The following DLC1 variants were observed in gnomAD, a reference collection of about 807,000 sequenced individuals.
DLC1 encodes DLC1 Rho GTPase activating protein.
Under a neutral mutation model 140.3 loss-of-function variants are expected in DLC1, and 54 were observed. That is an observed-to-expected ratio of 0.38 (90% CI 0.31 to 0.48). DLC1 has a LOEUF of 0.48. Among genes scored for constraint, DLC1 ranks in the 20% least tolerant of loss-of-function variants. The pLI is 0.96. For missense variants in DLC1, 2,536 were observed against 1,907.0 expected (o/e 1.33, Z -6.14); for synonymous variants, 986 against 728.1 (o/e 1.35, Z -5.70).
chr8:13,511,026 A>C (rs558746416), intron 1 of DLC1, among the ~76,000 whole-genome samples: 1 of 150,580 alleles, frequency 6.6e-6, no homozygotes, highest in East Asian at 2.0e-4. Flanking sequence ...ACAAACATTT[A>C]TTGACAAATA....
At chr8:13,479,802 AAAGAAGAAGAAGAAGAAGAAGAAGAAG>A (rs60625191) in intron 2 of DLC1, among the ~76,000 whole-genome samples, 64 of 56,970 alleles carry the variant, frequency 1.1e-3, no homozygotes, top group South Asian at 8.3e-3. Flanking sequence ...GAAAGAAAGA[AAAGAAGAAGAAGAAGAAGAAGAAGAAG>A]AAGAAGAAGA....
At chr8:13,367,325 A>G (rs1729173) in intron 4 of DLC1, among the ~76,000 whole-genome samples, 111,554 of 151,730 alleles carry the variant, frequency 0.74, 41,515 homozygotes, top group East Asian at 0.84. Flanking sequence ...GAGGAAACCT[A>G]ACACAGAGAA....
intron 1 of DLC1, among the ~76,000 whole-genome samples, chr8:13,602,002 A>G (rs956390499): frequency 5.9e-5 from 9 of 152,004 alleles, no homozygotes; most frequent in Admixed American, 2.0e-4. Flanking sequence ...CGTCATAAAA[A>G]GGAAAACAAC....
At chr8:13,350,332 C>T (rs1198228674) in intron 4 of DLC1, among the ~76,000 whole-genome samples, 2 of 151,932 alleles carry the variant, frequency 1.3e-5, no homozygotes, top group East Asian at 1.9e-4. Context: ...TCATTTACTG[C>T]ATGTGGTTGA....
At chr8:13,257,531 A>G (rs765006261) in intron 5 of DLC1, among the ~76,000 whole-genome samples, 1 of 152,058 alleles carries the variant, frequency 6.6e-6, no homozygotes, top group Non-Finnish European at 1.5e-5. Flanking sequence ...CTTGACCAAT[A>G]TAATCTATTT....
At chr8:13,337,220 G>C (rs971928339) in intron 4 of DLC1, among the ~76,000 whole-genome samples, 1 of 152,112 alleles carries the variant, frequency 6.6e-6, no homozygotes, top group Non-Finnish European at 1.5e-5. Flanking sequence ...GAAAAATGTA[G>C]AATGTGGATA....
intron 2 of DLC1, among the ~76,000 whole-genome samples, chr8:13,422,172 G>A (rs945905037): frequency 6.6e-6 from 1 of 152,032 alleles, no homozygotes; most frequent in African/African-American, 2.4e-5. Flanking sequence ...ATTATGTTTT[G>A]AAGGGTATAT....
intron 4 of DLC1, among the ~76,000 whole-genome samples, chr8:13,328,334 G>A (rs1237113056): frequency 6.6e-6 from 1 of 151,974 alleles, no homozygotes; most frequent in Non-Finnish European, 1.5e-5. Flanking sequence ...TGAATATGGG[G>A]AGAAGTATTC....
intron 2 of DLC1, among the ~76,000 whole-genome samples, chr8:13,475,391 G>C (rs1195939345): frequency 6.6e-6 from 1 of 152,088 alleles, no homozygotes; most frequent in Non-Finnish European, 1.5e-5. Flanking sequence ...GATTTTGAGG[G>C]CCCAGTAAAA....
chr8:13,206,022 A>T (rs1422922915), intron 5 of DLC1, among the ~76,000 whole-genome samples: 1 of 152,152 alleles, frequency 6.6e-6, no homozygotes, highest in African/African-American at 2.4e-5. Context: ...GTGAACCTTG[A>T]CCTAGAGGAA....
At chr8:13,122,974 T>G (rs1433655280) in intron 5 of DLC1, among the ~76,000 whole-genome samples, 3 of 152,184 alleles carry the variant, frequency 2.0e-5, no homozygotes, top group Non-Finnish European at 2.9e-5. Flanking sequence ...CACTATTTAT[T>G]GATCCAACTA....
chr8:13,166,623 G>A (rs1279617755), intron 5 of DLC1, among the ~76,000 whole-genome samples: 2 of 152,198 alleles, frequency 1.3e-5, no homozygotes, highest in Non-Finnish European at 2.9e-5. Flanking sequence ...ATAAGCCGTG[G>A]CTCCAGGCCC....
At chr8:13,103,163 A>G (rs1819244823) in intron 7 of DLC1, among the ~76,000 whole-genome samples, 1 of 151,432 alleles carries the variant, frequency 6.6e-6, no homozygotes. Flanking sequence ...ACAAAAAAAC[A>G]AGCCGGGCCT....
intron 2 of DLC1, among the ~76,000 whole-genome samples, chr8:13,485,211 T>G (rs1425379690): frequency 6.6e-6 from 1 of 152,222 alleles, no homozygotes; most frequent in Non-Finnish European, 1.5e-5. Context: ...ACATAGAGAC[T>G]GACTTTTATT....
rs150923626 is a variant in DLC1 at position 13,537,816 on chromosome 8, C to G, written c.-125-37620G>C. Among the ~76,000 whole-genome samples, 652 of 151,834 alleles carry G rather than the reference C, an allele frequency of 4.3e-3. 5 individuals are homozygous for G. Among genetic ancestry groups the G allele is most frequent in the African/African-American group, 0.014 (590 of 41,398 alleles). ...CTACAGGCGCCCGCCACCATGCCCG[C>G]CTAATTTTTTGTATTTTTACTGGAG... On this transcript the variant is annotated intron_variant, in intron 1 of 1. Transcript: ENST00000631382.
chr8:13,559,315 G>A (rs1804161080), intron 1 of DLC1: 2 of 152,232 alleles, frequency 1.3e-5, no homozygotes, highest in South Asian at 4.1e-4. Context: ...CAGCTTTCAA[G>A]TTAAGCATGG....
At chr8:13,213,322 C>G (rs982422858) in intron 5 of DLC1, among the ~76,000 whole-genome samples, 2 of 152,092 alleles carry the variant, frequency 1.3e-5, no homozygotes, top group Non-Finnish European at 2.9e-5. Flanking sequence ...CTATTGTCAC[C>G]TATAATACAC....
At chr8:13,110,660 A>C in intron 7 of DLC1, 82 bp downstream of exon 7, 6 of 1,350,664 alleles carry the variant, frequency 4.4e-6, no homozygotes, top group Non-Finnish European at 6.2e-6. Context: ...GCAAGAACAA[A>C]AGCAAACAAA....
intron 4 of DLC1, among the ~76,000 whole-genome samples, chr8:13,347,662 T>C (rs1834415063): frequency 6.6e-6 from 1 of 152,190 alleles, no homozygotes; most frequent in Non-Finnish European, 1.5e-5. Flanking sequence ...ACTTCCAGGA[T>C]GCCTGGGCCA....
Sources: gnomAD v4.1 joint callset for allele counts (sites outside exome capture counted in the v4.1 genomes callset) on GRCh38, gnomAD v4.1.1 for gene constraint, MANE v1.5 for transcripts, NCBI Gene and HGNC (gene_info 2026-07-23, HGNC 2026-07-21) for gene names.